CDH13: variants seen among roughly 807,000 people sequenced by gnomAD.
The protein encoded by CDH13 is cadherin-13.
A neutral mutation model predicts 63.8 loss-of-function variants in CDH13; 24 were observed. The ratio of observed to expected loss-of-function variants is 0.38; its 90% CI spans 0.27 to 0.53. The LOEUF (loss-of-function observed/expected upper bound fraction) is 0.53, where lower values mean the gene tolerates loss of function less well. Among genes scored for constraint, CDH13 ranks in the 20% least tolerant of loss-of-function variants. The pLI is 0.85. For missense variants in CDH13, 1,049 were observed against 903.1 expected, an observed-to-expected ratio of 1.16 and a Z score of -2.07; for synonymous variants, 503 against 355.3, an observed-to-expected ratio of 1.42 and a Z score of -4.67.
chr16:83,377,341 C>T (rs1462167739), intron 6 of CDH13, among the ~76,000 whole-genome samples: 2 of 152,172 alleles, frequency 1.3e-5, no homozygotes, highest in African/African-American at 2.4e-5. Flanking sequence ...ACCCAGCCCC[C>T]AGTTCCTAAA....
At chr16:83,490,242 A>G (rs893418788) in intron 7 of CDH13, among the ~76,000 whole-genome samples, 1 of 152,226 alleles carries the variant, frequency 6.6e-6, no homozygotes, top group Non-Finnish European at 1.5e-5. Flanking sequence ...GGACCCCAGC[A>G]GGAAGTGTTT....
chr16:83,768,036 G>C (rs1343756980), intron 11 of CDH13, among the ~76,000 whole-genome samples: 1 of 152,098 alleles, frequency 6.6e-6, no homozygotes, highest in Non-Finnish European at 1.5e-5. Flanking sequence ...GCATAATTCT[G>C]AGTTTAACAT....
At chr16:83,208,940 T>C (rs981918500) in intron 4 of CDH13, among the ~76,000 whole-genome samples, 1 of 152,140 alleles carries the variant, frequency 6.6e-6, no homozygotes, top group African/African-American at 2.4e-5. Flanking sequence ...CTGCAAATTA[T>C]AAGGATAGGG....
chr16:83,294,868 T>G (rs2089552715), intron 5 of CDH13, among the ~76,000 whole-genome samples: 1 of 152,080 alleles, frequency 6.6e-6, no homozygotes, highest in Non-Finnish European at 1.5e-5. Flanking sequence ...TTCACAGAAC[T>G]AGGAAAAATC....
chr16:83,279,722 A>G (rs985229283), intron 5 of CDH13, among the ~76,000 whole-genome samples: 2 of 152,214 alleles, frequency 1.3e-5, no homozygotes, highest in African/African-American at 4.8e-5. Context: ...TATGAGATCT[A>G]AAAGTGAGAA....
At chr16:83,484,251 G>A (rs993277181) in intron 6 of CDH13, among the ~76,000 whole-genome samples, 2 of 152,202 alleles carry the variant, frequency 1.3e-5, no homozygotes, top group East Asian at 1.9e-4. Context: ...TCTGGGTGGT[G>A]GTAAAACCAG....
At chr16:83,755,083 A>G (rs1025067529) in intron 11 of CDH13, among the ~76,000 whole-genome samples, 4 of 152,202 alleles carry the variant, frequency 2.6e-5, no homozygotes, top group Admixed American at 2.6e-4. Context: ...CATGATTAGT[A>G]TGTTCAAGGA....
chr16:82,627,216 GC>G, intron 1 of CDH13, 79 bp downstream of exon 1: 1 of 1,282,218 alleles, frequency 7.8e-7, no homozygotes, highest in Non-Finnish European at 1.1e-6. Context: ...GGGTGAGGGG[GC>G]TTTCGGGGGG....
chr16:83,220,831 G>T lies in CDH13; in HGVS notation c.636+3334G>T, dbSNP rs568384905. Among the ~76,000 whole-genome samples, 21 of 152,294 alleles carry T rather than the reference G, an allele frequency of 1.4e-4. No individual in the cohort carries two copies. The South Asian group carries it at 3.7e-3, about 27-fold the overall frequency. On this transcript the variant is annotated intron_variant, in intron 5 of 13. Transcript: ENST00000567109. ...GAAATATTTTGATCTAAACCTCAGG[G>T]ATTTGTATGATAAGAAATAATCTGG...
chr16:82,972,523 T>G (rs984511802), intron 2 of CDH13, among the ~76,000 whole-genome samples: 3 of 152,194 alleles, frequency 2.0e-5, no homozygotes, highest in Non-Finnish European at 4.4e-5. Context: ...GGGGAGGTTA[T>G]TTCAGCTGTG....
intron 2 of CDH13, among the ~76,000 whole-genome samples, chr16:82,939,808 T>C (rs2042778235): frequency 1.3e-5 from 2 of 152,206 alleles, no homozygotes. Flanking sequence ...TGATAATATT[T>C]GTCACCCCTT....
At chr16:83,499,297 C>A (rs192860019) in intron 7 of CDH13, among the ~76,000 whole-genome samples, 119 of 152,306 alleles carry the variant, frequency 7.8e-4, no homozygotes, top group Non-Finnish European at 1.4e-3. Flanking sequence ...TTTGTTTATA[C>A]ACGTAGAGCA....
At chr16:82,946,554 C>G (rs1226223736) in intron 2 of CDH13, among the ~76,000 whole-genome samples, 2 of 152,114 alleles carry the variant, frequency 1.3e-5, no homozygotes, top group East Asian at 3.9e-4. Flanking sequence ...AACCTCATCT[C>G]TACTAAAAGT....
intron 2 of CDH13, among the ~76,000 whole-genome samples, chr16:82,998,862 C>CTTTTTTTTTT (rs200853526): frequency 1.6e-5 from 2 of 128,562 alleles, no homozygotes; most frequent in African/African-American, 6.0e-5. Context: ...CCCCTTGATC[C>CTTTTTTTTTT]TTTTTTTTTT....
At chr16:83,457,948 C>T (rs1192321984) in intron 6 of CDH13, among the ~76,000 whole-genome samples, 2 of 152,210 alleles carry the variant, frequency 1.3e-5, no homozygotes, top group East Asian at 3.8e-4. Flanking sequence ...CGGACATACG[C>T]AGTGATGCTG....
intron 8 of CDH13, among the ~76,000 whole-genome samples, chr16:83,661,922 T>C (rs1171342867): frequency 1.3e-5 from 2 of 152,134 alleles, no homozygotes; most frequent in East Asian, 3.9e-4. Context: ...CCAGCACCTG[T>C]AGAGCCAGGA....
chr16:83,643,302 G>GAAA lies in CDH13; in HGVS notation c.1102-27480_1102-27478dup, dbSNP rs1033707256. ...GTATAATAAAAAAAAAAAAAAAAAA[G>GAAA]AAAAAAAAAATTTAACAGATCTCTC... On this transcript the variant is annotated intron_variant, in intron 8 of 13. Transcript: ENST00000567109. Among the ~76,000 whole-genome samples, 443 of 71,736 alleles carry GAAA rather than the reference G, an allele frequency of 6.2e-3. 27 individuals carry two copies. The highest frequency in any genetic ancestry group is 8.2e-3 in the Non-Finnish European group (337 of 41,216). 47.1% of individuals were successfully genotyped at this position (71,736 alleles called of 152,430 possible).
chr16:83,593,084 A>G (rs1460082755), intron 7 of CDH13, among the ~76,000 whole-genome samples: 2 of 152,198 alleles, frequency 1.3e-5, no homozygotes, highest in African/African-American at 4.8e-5. Context: ...TGTTTTCACC[A>G]ATCTTTTGCA....
chr16:83,269,393 A>T, intron 5 of CDH13, among the ~76,000 whole-genome samples: 1 of 152,192 alleles, frequency 6.6e-6, no homozygotes, highest in Non-Finnish European at 1.5e-5. Flanking sequence ...ACCATCCTTC[A>T]TGTCTCAAAT....
Sources: allele counts gnomAD v4.1 joint callset (sites outside exome capture counted in the v4.1 genomes callset), GRCh38; gene constraint gnomAD v4.1.1; transcripts MANE v1.5; gene names NCBI Gene and HGNC (gene_info 2026-07-23, HGNC 2026-07-21).